Variants in CAMK4 observed in about 807,000 individuals in gnomAD.
CAMK4 encodes calcium/calmodulin dependent protein kinase IV.
Under a neutral mutation model 44.9 loss-of-function variants are expected in CAMK4, and 22 were observed. The ratio of observed to expected loss-of-function variants is 0.49; its 90% CI spans 0.35 to 0.70. The LOEUF (loss-of-function observed/expected upper bound fraction) is 0.70, where lower values mean the gene tolerates loss of function less well. CAMK4 is among the 30% of genes least tolerant of loss of function. The probability of loss-of-function intolerance (pLI) is 0.01; values close to 1 mark genes in which losing one functional copy is unlikely to be tolerated. For synonymous variants in CAMK4, 218 were observed against 215.4 expected, an observed-to-expected ratio of 1.01 and a Z score of -0.11; for missense variants, 498 against 586.8, an observed-to-expected ratio of 0.85 and a Z score of 1.56.
At chr5:111,295,798 G>A (rs907145206) in intron 1 of CAMK4, among the ~76,000 whole-genome samples, 2 of 152,196 alleles carry the variant, frequency 1.3e-5, no homozygotes, top group African/African-American at 4.8e-5. Context: ...GAAAATGAGA[G>A]GGGAACAAGG....
chr5:111,266,617 C>A (rs557063945), intron 1 of CAMK4, among the ~76,000 whole-genome samples: 43 of 152,274 alleles, frequency 2.8e-4, no homozygotes, highest in African/African-American at 1.0e-3. Context: ...TTCACTCCTA[C>A]CTGTTCCCAC....
At chr5:111,260,798 AT>A (rs1407060294) in intron 1 of CAMK4, among the ~76,000 whole-genome samples, 1 of 152,152 alleles carries the variant, frequency 6.6e-6, no homozygotes, top group Non-Finnish European at 1.5e-5. Flanking sequence ...TGCTATCTTC[AT>A]TGAAACCGTC....
rs764095910 is a variant in CAMK4, at chr5:111,449,154, G to A, written c.576G>A (p.Val192=). ...KIADFGLSKI[V]EHQVLMKTVC... is the part of the protein sequence containing the mutation. The stretch of plus-strand genomic sequence containing the variant: ...CTGATTTTGGACTCTCTAAAATTGT[G>A]GAACATCAAGTGCTCATGAAGACAG... Residue 192 remains valine (V), a synonymous_variant, in exon 7 of 11, where the codon GTG becomes GTA. Coordinates refer to ENST00000282356, the MANE Select transcript of CAMK4 (RefSeq NM_001744.6). The A allele has an allele frequency of 2.5e-6, 4 of 1,576,302 alleles. No individual in the cohort carries two copies. The highest frequency in any genetic ancestry group is 8.7e-7 in the Non-Finnish European group (1 of 1,147,924).
intron 1 of CAMK4, among the ~76,000 whole-genome samples, chr5:111,241,842 T>A (rs1445099997): frequency 6.6e-6 from 1 of 152,220 alleles, no homozygotes; most frequent in Non-Finnish European, 1.5e-5. Context: ...CCTGGAATCT[T>A]GCTGTTACAG....
At chr5:111,377,465 G>C (rs1384182851) in intron 4 of CAMK4, among the ~76,000 whole-genome samples, 1 of 118,824 alleles carries the variant, frequency 8.4e-6, no homozygotes, top group Non-Finnish European at 1.6e-5. Flanking sequence ...GCCAACTTTG[G>C]TTTCCTGTTC....
At chr5:111,387,993 A>G (rs1437487151) in intron 4 of CAMK4, among the ~76,000 whole-genome samples, 2 of 152,236 alleles carry the variant, frequency 1.3e-5, no homozygotes, top group East Asian at 1.9e-4. Flanking sequence ...TCAGTCAGCC[A>G]TGGATAGCCT....
chr5:111,325,162 C>T (rs1017944302), intron 1 of CAMK4, among the ~76,000 whole-genome samples: 1 of 151,896 alleles, frequency 6.6e-6, no homozygotes, highest in Non-Finnish European at 1.5e-5. Context: ...ATCCATGTCC[C>T]TGCAAAGGAC....
At chr5:111,414,804 A>G (rs1752760599) in intron 5 of CAMK4, among the ~76,000 whole-genome samples, 1 of 152,206 alleles carries the variant, frequency 6.6e-6, no homozygotes, top group Non-Finnish European at 1.5e-5. Flanking sequence ...CTAGGAATAA[A>G]TTATCCAAAA....
chr5:111,398,456 C>T (rs576091870), intron 5 of CAMK4, among the ~76,000 whole-genome samples: 1 of 152,260 alleles, frequency 6.6e-6, no homozygotes, highest in East Asian at 1.9e-4. Context: ...ACTATCTGTT[C>T]TGGTGGTTTT....
intron 2 of CAMK4, among the ~76,000 whole-genome samples, chr5:111,357,677 C>T (rs1183377097): frequency 1.3e-5 from 2 of 152,026 alleles, no homozygotes; most frequent in Non-Finnish European, 2.9e-5. Flanking sequence ...ATATAGTTTT[C>T]AGTACTGAAT....
upstream of CAMK4, chr5:111,224,271 A>G: frequency 1.9e-6 from 1 of 519,792 alleles, no homozygotes; most frequent in Non-Finnish European, 3.0e-6. This position sits in a 1 kb window ranked among gnomAD's most constrained non-coding sequence, Gnocchi z 5.7. Flanking sequence ...GCGGGCGGCG[A>G]CTCCGGGTTC....
intron 6 of CAMK4, among the ~76,000 whole-genome samples, chr5:111,448,225 A>G (rs1754096488): frequency 6.6e-6 from 1 of 152,222 alleles, no homozygotes; most frequent in South Asian, 2.1e-4. Flanking sequence ...TGAGAAATAA[A>G]TAAAAAGGAT....
intron 5 of CAMK4, among the ~76,000 whole-genome samples, chr5:111,407,413 TCA>T (rs1471475148): frequency 6.6e-6 from 1 of 151,386 alleles, no homozygotes; most frequent in Non-Finnish European, 1.5e-5. Context: ...AGAGAAGTAC[TCA>T]CAGTGTCCTT....
intron 1 of CAMK4, among the ~76,000 whole-genome samples, chr5:111,340,504 G>T (rs1400122088): frequency 6.6e-6 from 1 of 151,112 alleles, no homozygotes; most frequent in African/African-American, 2.4e-5. Context: ...TTTTGTTAGT[G>T]TGGTATGTCA....
chr5:111,467,918 G>A (rs1274151920), intron 7 of CAMK4, among the ~76,000 whole-genome samples: 9 of 135,428 alleles, frequency 6.6e-5, no homozygotes, highest in African/African-American at 2.2e-4. Context: ...CAATCAGTGA[G>A]TTCGTAAAGA....
At chr5:111,230,529 C>G (rs1312014231) in intron 1 of CAMK4, among the ~76,000 whole-genome samples, 1 of 150,062 alleles carries the variant, frequency 6.7e-6, no homozygotes, top group African/African-American at 2.5e-5. Context: ...TGTTTAAATA[C>G]TGTCACAAGG....
intron 1 of CAMK4, among the ~76,000 whole-genome samples, chr5:111,342,127 T>C (rs1749672281): frequency 6.6e-6 from 1 of 151,384 alleles, no homozygotes; most frequent in Admixed American, 6.6e-5. Context: ...AAATGTCACT[T>C]AGTATAATTT....
intron 1 of CAMK4, among the ~76,000 whole-genome samples, chr5:111,230,711 T>A (rs1002381115): frequency 6.6e-6 from 1 of 152,208 alleles, no homozygotes; most frequent in African/African-American, 2.4e-5. Context: ...ATGTGTGGGT[T>A]ATGTGTTTGC....
chr5:111,454,097 T>C (rs1304772444), intron 7 of CAMK4, among the ~76,000 whole-genome samples: 11 of 152,178 alleles, frequency 7.2e-5, no homozygotes. Flanking sequence ...ATAATATATA[T>C]AAAGAAAAAT....
Sources: allele counts gnomAD v4.1 joint callset (sites outside exome capture counted in the v4.1 genomes callset), GRCh38; gene constraint gnomAD v4.1.1; non-coding constraint Gnocchi (gnomAD v3.1); transcripts MANE v1.5; gene names NCBI Gene and HGNC (gene_info 2026-07-23, HGNC 2026-07-21).